The following MICOS13 variants were observed in gnomAD, a reference collection of about 807,000 sequenced individuals.
MICOS13 encodes the protein mitochondrial contact site and cristae organizing system subunit 13.
A neutral mutation model predicts 16.1 loss-of-function variants in MICOS13; 15 were observed. The ratio of observed to expected loss-of-function variants is 0.93; its 90% CI spans 0.62 to 1.44. The LOEUF (loss-of-function observed/expected upper bound fraction) is 1.44. MICOS13 is among the 40% of genes most tolerant of loss of function. The pLI is 0.00. For missense variants in MICOS13, 164 were observed against 155.0 expected, an observed-to-expected ratio of 1.06 and a Z score of -0.31; for synonymous variants, 61 against 62.6, an observed-to-expected ratio of 0.97 and a Z score of 0.12.
intron 1 of MICOS13, 160 bp from the exon 2 acceptor site, chr19:5,679,923 G>C: frequency 7.5e-7 from 1 of 1,341,364 alleles, no homozygotes; most frequent in Non-Finnish European, 1.0e-6. Context: ...ATTATATACA[G>C]CACTCGTTTT....
chr19:5,679,549 C>A (rs567668228), intron 2 of MICOS13, 37 bp downstream of exon 2: 2 of 1,601,790 alleles, frequency 1.2e-6, no homozygotes, highest in Non-Finnish European at 8.5e-7. Context: ...GAGCTGACCA[C>A]CCGCCAAACC....
chr19:5,679,691 G>C lies in MICOS13; in HGVS notation c.102C>G (p.Ser34Arg). 1 of 1,609,974 alleles carries C rather than the reference G, an allele frequency of 6.2e-7. No homozygotes were observed. The highest frequency in any genetic ancestry group is 8.5e-7 in the Non-Finnish European group (1 of 1,179,118). ...TCTGTAGGGCTGCCTGGCTCTTGTC[G>C]CTGGGCCCCAGCAGCTCCTGGTCGT... The part of the protein sequence containing the change: ...LVYDQELLGP[S>R]DKSQAALQKA... The change falls in exon 2 of 4, where the codon AGC becomes AGG. Residue 34 changes from serine (S) to arginine (R), a missense_variant. Physicochemically the swap from Ser to Arg is moderately radical, Grantham distance 110. Coordinates refer to ENST00000309324, the MANE Select transcript of MICOS13 (RefSeq NM_205767.3).
rs1398825076 is a variant in MICOS13 at position 5,678,562 on chromosome 19, G to A, written c.346C>T (p.Arg116Cys). The A allele has an allele frequency of 1.7e-5, 26 of 1,549,150 alleles. 1 individual carries two copies. Among genetic ancestry groups the A allele is most frequent in the Middle Eastern group, 1.9e-4 (1 of 5,276 alleles). Residue 116 changes from arginine (R) to cysteine (C), a missense_variant, in exon 4 of 4, where the codon CGC becomes TGC. Physicochemically the swap from Arg to Cys is radical, Grantham distance 180 (BLOSUM62 -3). Transcript: ENST00000309324. ...SKEGWEYVKARTK is the reference protein window; with the variant it reads ...SKEGWEYVKACTK Reference sequence around the variant, plus strand: ...CCCCTGCTGACTCGCTACTTGGTGCGCGCCTTCACATACTCCCAGCCCTCC... The same window carrying A: ...CCCCTGCTGACTCGCTACTTGGTGCACGCCTTCACATACTCCCAGCCCTCC...
chr19:5,680,360 G>A lies in MICOS13; in HGVS notation c.29+98C>T, dbSNP rs544777963. On this transcript the variant is annotated intron_variant, in intron 1 of 3. Transcript: ENST00000309324. ...GGGAACGAAGGGGAAGTGACTCTAA[G>A]GGAAGCGAAGAGCAGATCGGGACCA... The A allele has an allele frequency of 6.0e-5, 97 of 1,604,806 alleles. No individual in the cohort carries two copies. The African/African-American group carries it at 1.2e-3, about 20-fold the overall frequency.
chr19:5,679,360 C>T lies in MICOS13; in HGVS notation c.244G>A (p.Asp82Asn). 2 of 1,613,568 alleles carry T rather than the reference C, an allele frequency of 1.2e-6. No individual in the cohort carries two copies. Among genetic ancestry groups the T allele is most frequent in the Non-Finnish European group, 1.7e-6 (2 of 1,179,856 alleles). Residue 82 changes from aspartate (D) to asparagine (N), a missense_variant, in exon 3 of 4, where the codon GAC becomes AAC. Asp to Asn is a conservative substitution (Grantham distance 23, BLOSUM62 1). Transcript: ENST00000309324. ...GGTGCCTTACCTGCATTCCAGGAGT[C>T]ACGGATGGGAAAGTAAATCTTTGGA... ...APPKIYFPIR[D>N]SWNAGIMTVM...
chr19:5,680,134 C>T (rs947301938), intron 1 of MICOS13: 2 of 1,536,102 alleles, frequency 1.3e-6, no homozygotes, highest in Non-Finnish European at 8.7e-7. Context: ...GCTCCGAGCA[C>T]GCATTCACTT....
In MICOS13 at chr19:5,680,460, C is replaced by T. The variant is rs748992582; in HGVS notation, c.27G>A (p.Met9Ile). 2.6e-5 allele frequency: 42 copies of T among 1,612,066 alleles called. No homozygotes were observed. Among genetic ancestry groups the T allele is most frequent in the Non-Finnish European group, 3.5e-5 (41 of 1,179,646 alleles). The change falls in exon 1 of 4, where the codon ATG becomes ATA. Residue 9 changes from methionine (M) to isoleucine (I), a missense_variant and splice_region_variant. Coordinates refer to ENST00000309324, the MANE Select transcript of MICOS13 (RefSeq NM_205767.3). MVARVWSL[M>I]RFLIKGSVAG... ...TCCCCTCCGGCGCCCCCACGCACCT[C>T]ATCAGCGACCACACCCGGGCCACCA...
Position 5,679,639 on chromosome 19 carries a change from T to A in MICOS13, c.154A>T (p.Met52Leu). The A allele has an allele frequency of 6.2e-7, 1 of 1,611,300 alleles. No homozygotes were observed. The highest frequency in any genetic ancestry group is 1.1e-5 in the South Asian group (1 of 90,970). Residue 52 changes from methionine to leucine, a missense_variant, in exon 2 of 4, where the codon ATG (methionine) becomes TTG (leucine). Met to Leu is a conservative substitution (Grantham distance 15, BLOSUM62 2). Transcript: ENST00000309324. ...CACACGTACTGGCTGAACTGGTACA[T>A]GGCGGGGGGGACCACCTCCCCAGCC... ...QKAGEVVPPA[M>L]YQFSQYVCQQ...
rs946260984 is a variant in MICOS13, at chr19:5,678,583, C to T, written c.325G>A (p.Gly109Ser). The change falls in exon 4 of 4, where the codon GGC (glycine) becomes AGC (serine). Residue 109 changes from glycine (G) to serine (S), a missense_variant. Physicochemically the swap from Gly to Ser is moderately conservative, Grantham distance 56 (BLOSUM62 0). Transcript: ENST00000309324. ...PSKAREYSKEGWEYVKARTK is the reference protein window; with the variant it reads ...PSKAREYSKESWEYVKARTK ...GTGCGCGCCTTCACATACTCCCAGC[C>T]CTCCTTGGAGTACTCGCGGGCCTTG... 3.2e-6 allele frequency: 5 copies of T among 1,549,758 alleles called. No individual in the cohort carries two copies. The highest frequency in any genetic ancestry group is 1.4e-5 in the African/African-American group (1 of 73,032).
At position 5,679,733 on chromosome 19, in the gene MICOS13, GC is replaced by G; in HGVS notation, c.59del (p.Gly20AlafsTer70). ...RFLIKGSVAG[G>X]AVYLVYDQEL... is the part of the protein sequence containing the mutation. ...CCTGGTCGTACACCAGGTAGACGGC[GC>G]CCCCAGCCACACTTCCCTTGATGAG... On this transcript the variant is annotated frameshift_variant, in exon 2 of 4. Coordinates refer to ENST00000309324, the MANE Select transcript of MICOS13 (RefSeq NM_205767.3). LOFTEE classifies it high-confidence loss of function. The G allele has an allele frequency of 1.2e-6, 2 of 1,607,672 alleles. No individual in the cohort carries two copies. Among genetic ancestry groups the G allele is most frequent in the East Asian group, 2.2e-5 (1 of 44,780 alleles).
chr19:5,680,067 T>C (rs1229227878), intron 1 of MICOS13: 1 of 1,531,334 alleles, frequency 6.5e-7, no homozygotes, highest in Non-Finnish European at 8.7e-7. Context: ...TCTAGAAGCC[T>C]TCCAGCCCTG....
chr19:5,678,811 G>A (rs894004760), intron 3 of MICOS13, 163 bp from the exon 4 acceptor site: 14 of 579,778 alleles, frequency 2.4e-5, no homozygotes, highest in African/African-American at 3.9e-5. Context: ...GTGCAATCTC[G>A]GCTCACTGCA....
intron 1 of MICOS13, chr19:5,679,995 G>A: frequency 6.8e-7 from 1 of 1,477,534 alleles, no homozygotes; most frequent in Non-Finnish European, 8.9e-7. Flanking sequence ...CCCAGAGGGG[G>A]AGAGTGGGTC....
intron 1 of MICOS13, 184 bp from the exon 2 acceptor site, chr19:5,679,947 C>T: frequency 7.2e-7 from 1 of 1,390,544 alleles, no homozygotes; most frequent in South Asian, 1.4e-5. Flanking sequence ...ACGTGCAAGG[C>T]AGGGCGGCTG....
Position 5,679,338 on chromosome 19 carries a change from G to A in MICOS13, c.259+7C>T, listed in dbSNP as rs754595344. On this transcript the variant is annotated splice_region_variant and intron_variant, in intron 3 of 3. Transcript: ENST00000309324. Reference sequence around the variant, plus strand: ...CTCCCTCCAAGCAAAGAAACTGGGTGCCTTACCTGCATTCCAGGAGTCACG... The same window carrying A: ...CTCCCTCCAAGCAAAGAAACTGGGTACCTTACCTGCATTCCAGGAGTCACG... The A allele has an allele frequency of 1.9e-6, 3 of 1,612,492 alleles. No homozygotes were observed. Among genetic ancestry groups the A allele is most frequent in the Admixed American group, 3.3e-5 (2 of 59,846 alleles).
intron 1 of MICOS13, 97 bp downstream of exon 1, chr19:5,680,361 G>A (rs2054512302): frequency 6.2e-7 from 1 of 1,604,694 alleles, no homozygotes. Flanking sequence ...TGACTCTAAG[G>A]GAAGCGAAGA....
At chr19:5,680,266 G>C (rs1293832770) in intron 1 of MICOS13, 192 bp downstream of exon 1, 1 of 1,587,732 alleles carries the variant, frequency 6.3e-7, no homozygotes, top group East Asian at 2.3e-5. Flanking sequence ...AAGCAGGAGG[G>C]AGGGGATTGG....
Position 5,679,352 on chromosome 19 carries a change from C to T in MICOS13, c.252G>A (p.Trp84Ter), listed in dbSNP as rs1355812043. The change falls in exon 3 of 4, where the codon TGG (tryptophan) becomes TGA (stop). Residue 84 changes from tryptophan to a stop codon, truncating the protein, a stop_gained. Transcript: ENST00000309324. LOFTEE classifies it high-confidence loss of function. ...AGAAACTGGGTGCCTTACCTGCATT[C>T]CAGGAGTCACGGATGGGAAAGTAAA... ...PKIYFPIRDS[W>*]NAGIMTVMSA... 6.2e-7 allele frequency: 1 copy of T among 1,613,470 alleles called. No individual in the cohort carries two copies. The highest frequency in any genetic ancestry group is 1.3e-5 in the African/African-American group (1 of 75,038).
chr19:5,680,191 A>G, intron 1 of MICOS13: 1 of 1,537,742 alleles, frequency 6.5e-7, no homozygotes. Context: ...CACCTCACAG[A>G]GAAGACAACT....
Sources: gnomAD v4.1 joint callset for allele counts on GRCh38, gnomAD v4.1.1 for gene constraint, MANE v1.5 for transcripts, NCBI Gene and HGNC (gene_info 2026-07-23, HGNC 2026-07-21) for gene names.